Variants in TRPC4 observed in about 807,000 individuals in gnomAD.
TRPC4 encodes transient receptor potential cation channel subfamily C member 4.
A neutral mutation model predicts 99.4 loss-of-function variants in TRPC4; 49 were observed. The observed-to-expected ratio is 0.49, with a 90% CI of 0.39 to 0.63. TRPC4 has a LOEUF of 0.63. Ranked by LOEUF, TRPC4 falls within the 20% of genes least tolerant of loss-of-function variation. The pLI, the probability that TRPC4 is intolerant of heterozygous loss-of-function variation, is 0.00. For missense variants in TRPC4, 898 were observed against 1,152.9 expected (o/e 0.78, Z 3.20); for synonymous variants, 454 against 425.9 (o/e 1.07, Z -0.81).
At chr13:37,805,229 C>T (rs1957501553) in intron 1 of TRPC4, among the ~76,000 whole-genome samples, 1 of 151,814 alleles carries the variant, frequency 6.6e-6, no homozygotes, top group South Asian at 2.1e-4. Flanking sequence ...CAGGCAGTAT[C>T]TATTATTTTG....
At chr13:37,745,458 A>ATATATATATGCG (rs1555265727) in intron 3 of TRPC4, among the ~76,000 whole-genome samples, 11 of 6,584 alleles carry the variant, frequency 1.7e-3, no homozygotes, top group African/African-American at 3.9e-3. Context: ...ATATATATAT[A>ATATATATATGCG]TATATATATA....
At chr13:37,733,254 CAG>C (rs1294388915) in intron 3 of TRPC4, among the ~76,000 whole-genome samples, 1 of 152,112 alleles carries the variant, frequency 6.6e-6, no homozygotes, top group Non-Finnish European at 1.5e-5. Flanking sequence ...GCTTGCATGA[CAG>C]AGTGAGACCC....
chr13:37,772,037 A>G (rs577414368), intron 2 of TRPC4, among the ~76,000 whole-genome samples: 1 of 151,750 alleles, frequency 6.6e-6, no homozygotes, highest in East Asian at 2.0e-4. Context: ...CTGTCTGCCC[A>G]GGCACGTCAA....
At chr13:37,712,280 A>G (rs1413905489) in intron 3 of TRPC4, among the ~76,000 whole-genome samples, 1 of 152,118 alleles carries the variant, frequency 6.6e-6, no homozygotes, top group Non-Finnish European at 1.5e-5. Flanking sequence ...ACCCAATGCT[A>G]CATAGTACAG....
chr13:37,848,248 T>TA (rs1380322064), intron 1 of TRPC4, among the ~76,000 whole-genome samples: 1 of 152,162 alleles, frequency 6.6e-6, no homozygotes, highest in East Asian at 1.9e-4. Context: ...TGTATACATA[T>TA]ATCAAGACAT....
At chr13:37,756,199 C>T (rs539363175) in intron 2 of TRPC4, among the ~76,000 whole-genome samples, 1 of 152,246 alleles carries the variant, frequency 6.6e-6, no homozygotes, top group African/African-American at 2.4e-5. Flanking sequence ...CATACACACA[C>T]ATGAACACAA....
chr13:37,807,081 T>C (rs999579599), intron 1 of TRPC4, among the ~76,000 whole-genome samples: 1 of 152,062 alleles, frequency 6.6e-6, no homozygotes, highest in African/African-American at 2.4e-5. Flanking sequence ...CTTAAAAAAT[T>C]GAACTTACTA....
At chr13:37,852,180 C>T (rs940833183) in intron 1 of TRPC4, among the ~76,000 whole-genome samples, 1 of 152,094 alleles carries the variant, frequency 6.6e-6, no homozygotes, top group African/African-American at 2.4e-5. Flanking sequence ...GCCATCCTCC[C>T]CCAACCCAAG....
At chr13:37,679,235 C>T (rs930316631) in intron 4 of TRPC4, among the ~76,000 whole-genome samples, 7 of 152,018 alleles carry the variant, frequency 4.6e-5, no homozygotes, top group Admixed American at 3.9e-4. Flanking sequence ...AGTTTGCTGC[C>T]TCCTGTGGTG....
chr13:37,824,349 C>T (rs1451489626), intron 1 of TRPC4, among the ~76,000 whole-genome samples: 1 of 147,564 alleles, frequency 6.8e-6, no homozygotes, highest in Non-Finnish European at 1.5e-5. Flanking sequence ...CTGTCTTGTG[C>T]CAGTTTTCAA....
chr13:37,855,846 AC>A (rs1566227689), intron 1 of TRPC4, among the ~76,000 whole-genome samples: 1 of 151,918 alleles, frequency 6.6e-6, no homozygotes, highest in Non-Finnish European at 1.5e-5. Context: ...TACAATGGAA[AC>A]ACAATATACC....
chr13:37,780,266 T>C (rs1181216432), intron 2 of TRPC4, among the ~76,000 whole-genome samples: 1 of 152,170 alleles, frequency 6.6e-6, no homozygotes, highest in Non-Finnish European at 1.5e-5. Context: ...TATGCATTTC[T>C]CACATTTAAA....
At chr13:37,789,976 G>T (rs1327797520) in intron 1 of TRPC4, among the ~76,000 whole-genome samples, 1 of 152,026 alleles carries the variant, frequency 6.6e-6, no homozygotes, top group Admixed American at 6.6e-5. Flanking sequence ...GATAACAGGA[G>T]AATAAAACAT....
intron 3 of TRPC4, among the ~76,000 whole-genome samples, chr13:37,726,908 T>G (rs2139062944): frequency 6.6e-6 from 1 of 152,268 alleles, no homozygotes; most frequent in South Asian, 2.1e-4. Context: ...TTATAAACAT[T>G]GACACACCTG....
At chr13:37,752,116 CAAT>C (rs1955951258) in intron 2 of TRPC4, among the ~76,000 whole-genome samples, 1 of 65,368 alleles carries the variant, frequency 1.5e-5, no homozygotes, top group African/African-American at 5.5e-5. Flanking sequence ...AGTTAGAATA[CAAT>C]AATAACTGTA....
intron 1 of TRPC4, among the ~76,000 whole-genome samples, chr13:37,830,799 T>C (rs1593279336): frequency 1.0e-5 from 1 of 97,042 alleles, no homozygotes; most frequent in East Asian, 3.7e-4. Flanking sequence ...AGTATATATT[T>C]TTTGTATATA....
At chr13:37,744,378 C>T (rs952235082) in intron 3 of TRPC4, among the ~76,000 whole-genome samples, 1 of 152,008 alleles carries the variant, frequency 6.6e-6, no homozygotes, top group Non-Finnish European at 1.5e-5. Context: ...ATCTCTGAGT[C>T]CAAAACATAA....
At chr13:37,659,569 G>T in intron 6 of TRPC4, among the ~76,000 whole-genome samples, 1 of 152,172 alleles carries the variant, frequency 6.6e-6, no homozygotes, top group Non-Finnish European at 1.5e-5. Flanking sequence ...AAAGAATGTG[G>T]CAGTATCCTG....
intron 1 of TRPC4, among the ~76,000 whole-genome samples, chr13:37,838,239 G>A (rs1325284629): frequency 6.6e-6 from 1 of 152,148 alleles, no homozygotes; most frequent in Admixed American, 6.5e-5. Context: ...CCATTGATCT[G>A]AGCCAGCTGT....
Sources: allele counts gnomAD v4.1 joint callset (sites outside exome capture counted in the v4.1 genomes callset), GRCh38; gene constraint gnomAD v4.1.1; transcripts MANE v1.5; gene names NCBI Gene and HGNC (gene_info 2026-07-23, HGNC 2026-07-21).